Variants in SVIL observed in about 807,000 individuals in gnomAD.
SVIL encodes the protein supervillin, also known as archvillin.
SVIL carries 101 observed loss-of-function variants against 240.4 expected under a neutral mutation model. The observed-to-expected ratio is 0.42, with a 90% confidence interval of 0.36 to 0.50. The LOEUF (loss-of-function observed/expected upper bound fraction) is 0.50. SVIL is among the 20% of genes least tolerant of loss of function. SVIL has a pLI of 0.01. For missense variants in SVIL, 2,512 were observed against 2,818.7 expected, an observed-to-expected ratio of 0.89 and a Z score of 2.46; for synonymous variants, 999 against 1,100.0, an observed-to-expected ratio of 0.91 and a Z score of 1.82.
chr10:29,591,457 T>C (rs1267837135), intron 1 of SVIL, among the ~76,000 whole-genome samples: 3 of 152,220 alleles, frequency 2.0e-5, no homozygotes, highest in Non-Finnish European at 4.4e-5. Context: ...TAAGCTAATA[T>C]ACTGACAGTT....
At chr10:29,729,453 GTGTGT>G (rs1964476354) in intron 1 of SVIL, among the ~76,000 whole-genome samples, 26 of 20,066 alleles carry the variant, frequency 1.3e-3, no homozygotes, top group East Asian at 0.012. Context: ...TTATGGAGGT[GTGTGT>G]GTGTGTGTGT....
chr10:29,546,319 G>C (rs1952680391), intron 6 of SVIL, among the ~76,000 whole-genome samples: 1 of 152,186 alleles, frequency 6.6e-6, no homozygotes. Context: ...GGTGGGGCTG[G>C]AAGTATCTTA....
chr10:29,492,484 CGT>C (rs891693119), intron 21 of SVIL, among the ~76,000 whole-genome samples: 3 of 152,040 alleles, frequency 2.0e-5, no homozygotes, highest in Non-Finnish European at 4.4e-5. Flanking sequence ...CTGTTCAGCG[CGT>C]GAGCCAGTAA....
At chr10:29,704,250 G>C (rs1207047953) in intron 1 of SVIL, among the ~76,000 whole-genome samples, 1 of 152,162 alleles carries the variant, frequency 6.6e-6, no homozygotes. Flanking sequence ...TTTCCAAGTT[G>C]TAGAGCTCAC....
At chr10:29,493,673 G>A (rs1001351943) in intron 20 of SVIL, among the ~76,000 whole-genome samples, 6 of 152,080 alleles carry the variant, frequency 3.9e-5, no homozygotes, top group Non-Finnish European at 8.8e-5. Flanking sequence ...TGCTTCTGTT[G>A]AGGGTAGGTG....
intron 1 of SVIL, among the ~76,000 whole-genome samples, chr10:29,577,067 G>A (rs11819465): frequency 0.021 from 3,128 of 152,132 alleles, 94 homozygotes; most frequent in African/African-American, 0.069. Context: ...TTTTAGTAGA[G>A]ACGGGTTTTC....
chr10:29,653,393 T>C (rs1958903463), intron 3 of SVIL, among the ~76,000 whole-genome samples: 1 of 152,166 alleles, frequency 6.6e-6, no homozygotes, highest in Non-Finnish European at 1.5e-5. Flanking sequence ...TCCTGAGGCC[T>C]CTGCAACCAT....
At chr10:29,695,270 T>G (rs942525732) in intron 1 of SVIL, among the ~76,000 whole-genome samples, 15 of 152,144 alleles carry the variant, frequency 9.9e-5, no homozygotes, top group African/African-American at 3.4e-4. Context: ...CCTTGACGTC[T>G]CCTATGAGAA....
chr10:29,703,540 C>T (rs113580195), intron 1 of SVIL, among the ~76,000 whole-genome samples: 4 of 152,320 alleles, frequency 2.6e-5, no homozygotes, highest in African/African-American at 4.8e-5. Flanking sequence ...TCCAGATGCA[C>T]GCCAGCAGCC....
rs71023503 is a variant in SVIL, at chr10:29,717,232, C to CAAAAAAA, written c.-400+18512_-400+18518dup. On this transcript the variant is annotated intron_variant, in intron 1 of 35. Transcript: ENST00000375400. The stretch of plus-strand genomic sequence containing the variant: ...TGGGCGACAGAGCAAGACTCTCTCT[C>CAAAAAAA]AAAAAAAAAAAAAAAAAAAAAAAAA... Among the ~76,000 whole-genome samples, 31 of 38,326 alleles carry CAAAAAAA rather than the reference C, an allele frequency of 8.1e-4. 2 individuals carry two copies. The highest frequency in any genetic ancestry group is 3.4e-3 in the South Asian group (2 of 582). 25.1% of individuals were successfully genotyped at this position (38,326 alleles called of 152,430 possible). A position where few individuals can be genotyped will look rare whatever the true frequency, so the allele number is the denominator to read the frequency against.
rs1947201218 is a variant in SVIL at position 29,484,459 on chromosome 10, C to T, written c.4955+197G>A. ...ATAACAAACCTCTTCCAGAAGACTA[C>T]GACATCCATATTTCTGCAATAGTTA... On this transcript the variant is annotated intron_variant, in intron 27 of 37. Transcript: ENST00000355867. This position sits in a 1 kb window ranked among gnomAD's most constrained non-coding sequence, Gnocchi z 4.7. 2.6e-5 allele frequency among the ~76,000 whole-genome samples: 4 copies of T among 152,226 alleles called. No homozygotes were observed. The highest frequency in any genetic ancestry group is 2.0e-4 in the Admixed American group (3 of 15,284).
chr10:29,583,972 C>T (rs951755045), intron 1 of SVIL, among the ~76,000 whole-genome samples: 7 of 152,170 alleles, frequency 4.6e-5, no homozygotes, highest in South Asian at 4.1e-4. Flanking sequence ...GATTAGGATA[C>T]GCCCACAGAA....
At chr10:29,564,189 A>G (rs1481478121) in intron 2 of SVIL, among the ~76,000 whole-genome samples, 14 of 152,166 alleles carry the variant, frequency 9.2e-5, no homozygotes, top group Admixed American at 2.0e-4. Flanking sequence ...GGAGAGAGGC[A>G]CACATGTCTG....
intron 1 of SVIL, among the ~76,000 whole-genome samples, chr10:29,628,387 C>T (rs989420204): frequency 4.6e-5 from 7 of 152,136 alleles, no homozygotes; most frequent in African/African-American, 1.7e-4. Context: ...AGAGTATTTA[C>T]TTAAAATTTT....
intron 20 of SVIL, among the ~76,000 whole-genome samples, 194 bp downstream of exon 20, chr10:29,494,720 C>T (rs1374224770): frequency 2.6e-5 from 4 of 152,168 alleles, no homozygotes; most frequent in Non-Finnish European, 4.4e-5. Flanking sequence ...AATTGGATGG[C>T]ATCCCAAGGG....
At chr10:29,534,471 C>G (rs912837828) in intron 7 of SVIL, among the ~76,000 whole-genome samples, 2 of 152,134 alleles carry the variant, frequency 1.3e-5, no homozygotes, top group East Asian at 1.9e-4. Context: ...CAGCTACACT[C>G]CAGCATAGGC....
chr10:29,510,390 G>A (rs1404972697), intron 17 of SVIL, among the ~76,000 whole-genome samples: 1 of 151,922 alleles, frequency 6.6e-6, no homozygotes, highest in Admixed American at 6.6e-5. Flanking sequence ...TATTTTTACA[G>A]GATGGTGCTG....
chr10:29,621,174 G>GA (rs1957625668), intron 1 of SVIL, among the ~76,000 whole-genome samples: 1 of 152,072 alleles, frequency 6.6e-6, no homozygotes, highest in Admixed American at 6.6e-5. Context: ...TTGTACTTCT[G>GA]AAAAATCACT....
At chr10:29,481,835 A>G (rs1380691859) in intron 27 of SVIL, 107 bp from the exon 28 acceptor site, 2 of 993,774 alleles carry the variant, frequency 2.0e-6, no homozygotes, top group African/African-American at 3.3e-5. Context: ...AAAAAACCTC[A>G]AAGTACGTGA....
Sources: gnomAD v4.1 joint callset for allele counts (sites outside exome capture counted in the v4.1 genomes callset) on GRCh38, gnomAD v4.1.1 for gene constraint, Gnocchi (gnomAD v3.1) non-coding constraint, MANE v1.5 for transcripts, NCBI Gene and HGNC (gene_info 2026-07-23, HGNC 2026-07-21) for gene names.